Variants in RABL2A observed in about 807,000 individuals in gnomAD.
The protein encoded by RABL2A is rab-like protein 2A.
Under a neutral mutation model 30.7 loss-of-function variants are expected in RABL2A, and 17 were observed. The ratio of observed to expected loss-of-function variants is 0.55; its 90% CI spans 0.38 to 0.83. The LOEUF (loss-of-function observed/expected upper bound fraction) is 0.83. Ranked by LOEUF, RABL2A falls within the 40% of genes least tolerant of loss-of-function variation. The probability of loss-of-function intolerance (pLI) is 0.00; values close to 1 mark genes in which losing one functional copy is unlikely to be tolerated. For missense variants in RABL2A, 155 were observed against 272.6 expected (o/e 0.57, Z 3.04); for synonymous variants, 64 against 101.8 (o/e 0.63, Z 2.24).
rs1186850680 is a variant in RABL2A, at chr2:113,628,675, G to T, written c.69G>T (p.Lys23Asn). The change falls in exon 2 of 9, where the codon AAG (lysine) becomes AAT (asparagine). Residue 23 changes from lysine to asparagine, a missense_variant. By Grantham distance (94) the Lys-to-Asn change is moderately conservative. Coordinates refer to ENST00000683472, the MANE Select transcript of RABL2A (RefSeq NM_001306158.2). The part of the protein sequence containing the change: ...QGKYDADDNV[K>N]IICLGDSAVG... ...AGTATGATGCTGATGACAACGTGAA[G>T]ATCATCTGCCTGGGAGACAGCGCAG... The T allele has an allele frequency of 1.4e-5, 22 of 1,551,254 alleles. No homozygotes were observed. Among genetic ancestry groups the T allele is most frequent in the Non-Finnish European group, 1.9e-5 (22 of 1,140,108 alleles).
chr2:113,641,231 T>G, intron 6 of RABL2A, 122 bp from the exon 7 acceptor site: 2 of 1,524,928 alleles, frequency 1.3e-6, no homozygotes, highest in Non-Finnish European at 1.8e-6. Context: ...GAGCTCTTTC[T>G]AGGACATGTT....
At chr2:113,629,101 T>G (rs1017629863) in intron 2 of RABL2A, among the ~76,000 whole-genome samples, 1 of 151,380 alleles carries the variant, frequency 6.6e-6, no homozygotes, top group South Asian at 2.1e-4. Context: ...CTCTCTGAAA[T>G]AGAGAAAACT....
rs1685492561 is a variant in RABL2A, at chr2:113,642,331, C to A, written c.*202C>A. 8.4e-7 allele frequency: 1 copy of A among 1,196,676 alleles called. No individual in the cohort carries two copies. Among genetic ancestry groups the A allele is most frequent in the Non-Finnish European group, 1.1e-6 (1 of 871,828 alleles). 74.1% of individuals were successfully genotyped at this position (1,196,676 alleles called of 1,614,324 possible). ...AAACTCTGGACTGGTGGAAGAATTC[C>A]CCACCAGATCTCCTTGAAGCAGAAT... On this transcript the variant is annotated 3_prime_UTR_variant, in exon 9 of 9. Transcript: ENST00000683472.
At chr2:113,636,432 C>T (rs1185841437) in intron 5 of RABL2A, among the ~76,000 whole-genome samples, 2 of 152,234 alleles carry the variant, frequency 1.3e-5, no homozygotes, top group Non-Finnish European at 2.9e-5. Context: ...TTCTACTCCC[C>T]GTGTTTCTTC....
chr2:113,641,111 C>G, intron 6 of RABL2A, 106 bp downstream of exon 6: 2 of 1,137,180 alleles, frequency 1.8e-6, no homozygotes, highest in Non-Finnish European at 2.5e-6. Flanking sequence ...TTGGTCCTCC[C>G]TCCCACGATA....
intron 5 of RABL2A, chr2:113,638,279 C>T (rs182466084): frequency 0.038 from 37,241 of 985,360 alleles, 735 homozygotes; most frequent in East Asian, 0.11. Context: ...GTGACAGTTG[C>T]TGACCCTCCC....
chr2:113,639,996 A>T (rs1378223965), intron 5 of RABL2A: 2 of 151,946 alleles, frequency 1.3e-5, no homozygotes, highest in Non-Finnish European at 2.9e-5. Context: ...TCTACAAAAA[A>T]AAAAATAATA....
intron 5 of RABL2A, among the ~76,000 whole-genome samples, chr2:113,636,914 A>G (rs531551212): frequency 4.6e-5 from 7 of 151,556 alleles, no homozygotes; most frequent in South Asian, 2.1e-4. Flanking sequence ...GCGTGAACCC[A>G]GGAGGCGGAG....
At chr2:113,630,746 T>C (rs1277786036) in intron 2 of RABL2A, among the ~76,000 whole-genome samples, 1 of 152,044 alleles carries the variant, frequency 6.6e-6, no homozygotes, top group Non-Finnish European at 1.5e-5. Context: ...ACCTCAGACC[T>C]GGGCACTGCC....
intron 3 of RABL2A, chr2:113,633,534 A>T (rs1444962342): frequency 5.1e-6 from 1 of 197,748 alleles, no homozygotes; most frequent in African/African-American, 2.4e-5. Context: ...CCCAAGGCTC[A>T]GTTGCCTTAA....
intron 5 of RABL2A, among the ~76,000 whole-genome samples, chr2:113,637,003 A>AC (rs1559181336): frequency 1.3e-5 from 2 of 148,162 alleles, no homozygotes; most frequent in African/African-American, 5.0e-5. Flanking sequence ...AAAATAAAAA[A>AC]ATAAAAAAAT....
At chr2:113,636,830 T>C (rs1230976108) in intron 5 of RABL2A, among the ~76,000 whole-genome samples, 21 of 150,342 alleles carry the variant, frequency 1.4e-4, no homozygotes, top group South Asian at 6.3e-4. Context: ...CTACTAAAAA[T>C]ACAAAAAAAT....
intron 5 of RABL2A, among the ~76,000 whole-genome samples, chr2:113,638,821 G>A (rs978120679): frequency 1.4e-4 from 21 of 151,996 alleles, no homozygotes; most frequent in Admixed American, 5.2e-4. Context: ...AGGAGGTGGA[G>A]GTTGCAGTGG....
At chr2:113,635,527 G>A (rs932641288) in intron 5 of RABL2A, 6 of 310,448 alleles carry the variant, frequency 1.9e-5, no homozygotes, top group African/African-American at 1.3e-4. Context: ...TAGATGCTGC[G>A]GGTCCCAGAG....
At position 113,630,920 on chromosome 2, in the gene RABL2A, CAG is replaced by C. The variant is rs201641910; in HGVS notation, c.108-1992_108-1991del. Among the ~76,000 whole-genome samples the C allele has an allele frequency of 4.9e-3, 744 of 151,862 alleles. 15 individuals are homozygous for C. The highest frequency in any genetic ancestry group is 0.017 in the African/African-American group (709 of 41,384). On this transcript the variant is annotated intron_variant, in intron 2 of 8. Transcript: ENST00000683472. Reference sequence around the variant, plus strand: ...TTGTTTTTTTGGTTTTTTTTTGAGACAGAGTCTTGCTCTGTCACCCAGGCTGG... The same window carrying C: ...TTGTTTTTTTGGTTTTTTTTTGAGACAGTCTTGCTCTGTCACCCAGGCTGG...
Position 113,643,116 on chromosome 2 carries a change from G to A in RABL2A, c.*987G>A, listed in dbSNP as rs542834091. On this transcript the variant is annotated 3_prime_UTR_variant, in exon 9 of 9. Transcript: ENST00000683472. The stretch of plus-strand genomic sequence containing the variant: ...TCCTTACAGCCATACCACAAGGTAC[G>A]TCCATTTGGACTACAAGAAGAGCTT... 1.3e-5 allele frequency: 6 copies of A among 453,740 alleles called. No homozygotes were observed. The highest frequency in any genetic ancestry group is 8.0e-5 in the African/African-American group (4 of 49,836). The allele number at this position is 453,740 out of a possible 1,614,324, so 28.1% of individuals were successfully genotyped here.
chr2:113,635,010 A>C (rs1442692739), intron 4 of RABL2A, 41 bp from the exon 5 acceptor site: 7 of 1,613,964 alleles, frequency 4.3e-6, no homozygotes, highest in Non-Finnish European at 5.9e-6. Flanking sequence ...CTTGCACAGA[A>C]ATGCACCAGG....
At chr2:113,627,618 G>A (rs1678571146) in intron 1 of RABL2A, among the ~76,000 whole-genome samples, 1 of 152,216 alleles carries the variant, frequency 6.6e-6, no homozygotes, top group African/African-American at 2.4e-5. Flanking sequence ...CACTTAGATG[G>A]CGAGGACATC....
Position 113,637,994 on chromosome 2 carries a change from C to T in RABL2A, c.297+2864C>T, listed in dbSNP as rs565495128. The T allele has an allele frequency of 5.4e-3, 5,321 of 985,114 alleles. 11 individuals are homozygous for T. Among genetic ancestry groups the T allele is most frequent in the Non-Finnish European group, 6.1e-3 (5,063 of 829,684 alleles). The allele number at this position is 985,114 out of a possible 1,614,324, so 61.0% of individuals were successfully genotyped here. ...CACACGGGGAGCTGAGGGTCAGAGA[C>T]GGAACCAGGGCTCGACCCTCCACCT... On this transcript the variant is annotated intron_variant, in intron 5 of 8. Coordinates refer to ENST00000683472, the MANE Select transcript of RABL2A (RefSeq NM_001306158.2).
Sources: allele counts gnomAD v4.1 joint callset (sites outside exome capture counted in the v4.1 genomes callset), GRCh38; gene constraint gnomAD v4.1.1; transcripts MANE v1.5; gene names NCBI Gene and HGNC (gene_info 2026-07-23, HGNC 2026-07-21).